Variants in ADAM17 observed in about 807,000 individuals in gnomAD.
ADAM17 encodes the protein disintegrin and metalloproteinase domain-containing protein 17.
In ADAM17, 39 loss-of-function variants were observed where a neutral mutation model predicts 96.7. That is an observed-to-expected ratio of 0.40 (90% CI 0.31 to 0.53). The LOEUF (loss-of-function observed/expected upper bound fraction) is 0.53. Among genes scored for constraint, ADAM17 ranks in the 20% least tolerant of loss-of-function variants. The probability of loss-of-function intolerance (pLI) is 0.44; values close to 1 mark genes in which losing one functional copy is unlikely to be tolerated. For missense variants in ADAM17, 777 were observed against 1,013.2 expected (o/e 0.77, Z 3.17); for synonymous variants, 344 against 359.2 (o/e 0.96, Z 0.48).
Position 9,543,266 on chromosome 2 carries a change from G to C in ADAM17, c.117C>G (p.Leu39=). ...HQRLEKLDSL[L]SDYDILSLSN... is the part of the protein sequence containing the mutation. ...ATAAAGAGAGAATATCGTAGTCTGA[G>C]AGCAAAGAATCAAGCTTCTCTGAAA... Residue 39 remains leucine, a synonymous_variant, in exon 2 of 19, where the codon CTC becomes CTG. Transcript: ENST00000310823. 1 of 1,596,982 alleles carries C rather than the reference G, an allele frequency of 6.3e-7. No homozygotes were observed. The highest frequency in any genetic ancestry group is 8.5e-7 in the Non-Finnish European group (1 of 1,174,402).
intron 12 of ADAM17, among the ~76,000 whole-genome samples, chr2:9,504,025 C>A (rs1663204993): frequency 6.6e-6 from 1 of 151,570 alleles, no homozygotes; most frequent in Admixed American, 6.6e-5. Flanking sequence ...GTGGCACACA[C>A]CTGTAGTCCT....
intron 1 of ADAM17, among the ~76,000 whole-genome samples, chr2:9,551,061 A>C (rs1476577921): frequency 6.6e-6 from 1 of 150,768 alleles, no homozygotes; most frequent in Non-Finnish European, 1.5e-5. Flanking sequence ...GGTGACAGTG[A>C]GACTCTGTCT....
chr2:9,531,299 G>T (rs1664727535), intron 4 of ADAM17, among the ~76,000 whole-genome samples: 1 of 151,984 alleles, frequency 6.6e-6, no homozygotes, highest in Admixed American at 6.5e-5. Context: ...CAAGCATGGT[G>T]GCTCACGTCT....
intron 5 of ADAM17, among the ~76,000 whole-genome samples, chr2:9,526,579 T>C (rs1425040181): frequency 6.6e-6 from 1 of 152,096 alleles, no homozygotes; most frequent in Non-Finnish European, 1.5e-5. Flanking sequence ...GTGAATCACC[T>C]GAGGACGGGA....
chr2:9,492,454 C>T (rs1662234566), intron 17 of ADAM17, among the ~76,000 whole-genome samples: 1 of 152,208 alleles, frequency 6.6e-6, no homozygotes, highest in South Asian at 2.1e-4. Flanking sequence ...GCCCCAGTCC[C>T]TACATCCTAT....
At chr2:9,554,517 A>G (rs1665682256) in intron 1 of ADAM17, among the ~76,000 whole-genome samples, 2 of 152,208 alleles carry the variant, frequency 1.3e-5, no homozygotes, top group Non-Finnish European at 2.9e-5. Context: ...TCTGTCCACT[A>G]AATATAAAGA....
chr2:9,543,407 A>T, intron 1 of ADAM17, 122 bp from the exon 2 acceptor site: 1 of 879,548 alleles, frequency 1.1e-6, no homozygotes, highest in East Asian at 3.4e-5. Context: ...TGCCAAGCAC[A>T]AACTATAAAT....
chr2:9,524,479 TA>T (rs199762973), intron 6 of ADAM17, among the ~76,000 whole-genome samples: 41 of 145,804 alleles, frequency 2.8e-4, no homozygotes, highest in African/African-American at 4.7e-4. Context: ...GACAGAGCCT[TA>T]AAAAAAAAAA....
intron 2 of ADAM17, among the ~76,000 whole-genome samples, chr2:9,538,944 C>T (rs1253526022): frequency 6.6e-6 from 1 of 152,146 alleles, no homozygotes; most frequent in Non-Finnish European, 1.5e-5. Flanking sequence ...AGGTATATCA[C>T]TTTCATTTCT....
At position 9,490,564 on chromosome 2, in the gene ADAM17, TC is replaced by T. The variant is rs1385641525; in HGVS notation, c.2134-47del. 2.6e-6 allele frequency: 4 copies of T among 1,531,758 alleles called. No homozygotes were observed. The Admixed American group carries it at 7.6e-5, about 29-fold the overall frequency. 94.9% of individuals were successfully genotyped at this position (1,531,758 alleles called of 1,614,324 possible). On this transcript the variant is annotated intron_variant, in intron 18 of 18. Coordinates refer to ENST00000310823, the MANE Select transcript of ADAM17 (RefSeq NM_003183.6). ...TTGATTGATAGGAATAAAAGATGAA[TC>T]GGAGGTCCTCACAGCTCCACCCTTA...
At chr2:9,541,041 A>T (rs1203672660) in intron 2 of ADAM17, among the ~76,000 whole-genome samples, 2 of 152,224 alleles carry the variant, frequency 1.3e-5, no homozygotes, top group Non-Finnish European at 2.9e-5. Flanking sequence ...AATATATCCT[A>T]TAAAAACACC....
Position 9,533,364 on chromosome 2 carries a change from T to C in ADAM17, c.450+2470A>G, listed in dbSNP as rs188789309. On this transcript the variant is annotated intron_variant, in intron 4 of 18. Coordinates refer to ENST00000310823, the MANE Select transcript of ADAM17 (RefSeq NM_003183.6). ...GAGATCGAGACCATCCTGGCCAACA[T>C]TGTGAAACCCTGTCTCTACCAAAAA... Among the ~76,000 whole-genome samples, 92 of 151,996 alleles carry C rather than the reference T, an allele frequency of 6.1e-4. 2 individuals carry two copies. The East Asian group carries it at 0.015, about 24-fold the overall frequency.
At chr2:9,555,160 G>A (rs1383678461) in intron 1 of ADAM17, among the ~76,000 whole-genome samples, 1 of 152,068 alleles carries the variant, frequency 6.6e-6, no homozygotes, top group Non-Finnish European at 1.5e-5. Context: ...TCCCTACTAA[G>A]GCAAGAACCC....
intron 18 of ADAM17, among the ~76,000 whole-genome samples, chr2:9,490,892 A>G (rs951800783): frequency 1.7e-4 from 26 of 152,218 alleles, no homozygotes; most frequent in African/African-American, 6.3e-4. Flanking sequence ...GGAAGGGGAC[A>G]GCACAGCTCT....
chr2:9,529,552 T>C (rs1664656610), intron 4 of ADAM17, among the ~76,000 whole-genome samples: 2 of 152,172 alleles, frequency 1.3e-5, no homozygotes, highest in Admixed American at 6.5e-5. Context: ...AGTAGATCCC[T>C]GGTTGCCTAG....
chr2:9,525,938 A>T (rs928014116), intron 6 of ADAM17, among the ~76,000 whole-genome samples, 173 bp downstream of exon 6: 11 of 152,340 alleles, frequency 7.2e-5, no homozygotes, highest in Admixed American at 1.3e-4. Context: ...ATGGGTTGTC[A>T]CAAATTTGAA....
chr2:9,546,712 A>ATTTTTTT (rs1553367774), intron 1 of ADAM17, among the ~76,000 whole-genome samples: 2 of 68,422 alleles, frequency 2.9e-5, no homozygotes, highest in African/African-American at 6.9e-5. Flanking sequence ...GTCTGGCCAT[A>ATTTTTTT]TTCTTTTTTT....
intron 1 of ADAM17, among the ~76,000 whole-genome samples, chr2:9,546,092 A>C (rs1182347173): frequency 2.1e-5 from 3 of 145,386 alleles, no homozygotes; most frequent in Non-Finnish European, 4.6e-5. Flanking sequence ...GATGAGACCC[A>C]GTCTCAAAAA....
intron 2 of ADAM17, among the ~76,000 whole-genome samples, chr2:9,539,454 G>C (rs1161487652): frequency 6.6e-6 from 1 of 152,142 alleles, no homozygotes; most frequent in Non-Finnish European, 1.5e-5. Flanking sequence ...AATGAAACTT[G>C]TAAGGCAAAT....
Sources: gnomAD v4.1 joint callset for allele counts (sites outside exome capture counted in the v4.1 genomes callset) on GRCh38, gnomAD v4.1.1 for gene constraint, MANE v1.5 for transcripts, NCBI Gene and HGNC (gene_info 2026-07-23, HGNC 2026-07-21) for gene names.